The following GRIA4 variants were observed in gnomAD, a reference collection of about 807,000 sequenced individuals.
GRIA4 encodes the protein glutamate receptor 4.
In GRIA4, 34 loss-of-function variants were observed where a neutral mutation model predicts 104.0. That is an observed-to-expected ratio of 0.33 (90% CI 0.25 to 0.44). GRIA4 has a LOEUF of 0.44. Among genes scored for constraint, GRIA4 ranks in the 20% least tolerant of loss-of-function variants. The pLI, the probability that GRIA4 is intolerant of heterozygous loss-of-function variation, is 1.00. For missense variants in GRIA4, 750 were observed against 1,096.5 expected, an observed-to-expected ratio of 0.68 and a Z score of 4.46; for synonymous variants, 386 against 381.9, an observed-to-expected ratio of 1.01 and a Z score of -0.13.
rs1006732586 is a variant in GRIA4 at position 105,972,117 on chromosome 11, T to A, written c.2409+89T>A. 4.4e-5 allele frequency: 33 copies of A among 758,294 alleles called. No homozygotes were observed. The East Asian group carries it at 8.9e-4, about 20-fold the overall frequency. The allele number at this position is 758,294 out of a possible 1,614,324, so 47.0% of individuals were successfully genotyped here. On this transcript the variant is annotated intron_variant, in intron 15 of 16. Coordinates refer to ENST00000282499, the MANE Select transcript of GRIA4 (RefSeq NM_000829.4). Reference sequence around the variant, plus strand: ...AAAAGTATATGGAAACCATAAAAACTGAACATTATACACTCAACCACTGCC... The same window carrying A: ...AAAAGTATATGGAAACCATAAAAACAGAACATTATACACTCAACCACTGCC...
chr11:105,903,856 G>C lies in GRIA4; in HGVS notation c.928G>C (p.Glu310Gln). ...TTATGATGGAGTCCTTGTGATGGCT[G>C]AAACTTTCCGAAGTCTTAGGAGGCA... ...LTYDGVLVMA[E>Q]TFRSLRRQKI... is the part of the protein sequence containing the mutation. The change falls in exon 8 of 17, where the codon GAA (glutamate) becomes CAA (glutamine). Residue 310 changes from glutamate (E) to glutamine (Q), a missense_variant. Around this residue, in one of 3 missense-constraint regions of GRIA4, gnomAD observed 410 missense variants for 502.7 expected, o/e 0.82. Coordinates refer to ENST00000282499, the MANE Select transcript of GRIA4 (RefSeq NM_000829.4). The C allele has an allele frequency of 6.2e-7, 1 of 1,612,060 alleles. No homozygotes were observed. The highest frequency in any genetic ancestry group is 8.5e-7 in the Non-Finnish European group (1 of 1,178,142).
chr11:105,868,943 T>C (rs972024828), intron 5 of GRIA4, among the ~76,000 whole-genome samples: 1 of 152,162 alleles, frequency 6.6e-6, no homozygotes, highest in Non-Finnish European at 1.5e-5. Flanking sequence ...TTAATATTAC[T>C]ATTTAGCAGA....
At chr11:105,941,559 T>A (rs1323861320) in intron 14 of GRIA4, among the ~76,000 whole-genome samples, 2 of 151,678 alleles carry the variant, frequency 1.3e-5, no homozygotes, top group Non-Finnish European at 2.9e-5. Context: ...CTTTCTTTAA[T>A]TTTTTTTTAA....
At chr11:105,812,989 G>T (rs1023979904) in intron 4 of GRIA4, among the ~76,000 whole-genome samples, 6 of 150,298 alleles carry the variant, frequency 4.0e-5, no homozygotes, top group East Asian at 2.0e-4. Flanking sequence ...TAGTCCTCGG[G>T]AGGCTGAGGC....
intron 3 of GRIA4, among the ~76,000 whole-genome samples, chr11:105,623,279 T>C (rs1270257554): frequency 6.6e-6 from 1 of 151,792 alleles, no homozygotes; most frequent in Non-Finnish European, 1.5e-5. Context: ...GTTCTCAGAC[T>C]GAAAGTTGTG....
At chr11:105,820,346 T>C in intron 4 of GRIA4, among the ~76,000 whole-genome samples, 1 of 152,246 alleles carries the variant, frequency 6.6e-6, no homozygotes, top group South Asian at 2.1e-4. Context: ...ACATCTTGTC[T>C]CTTTCCATCA....
chr11:105,941,410 G>A (rs1274993444), intron 14 of GRIA4, among the ~76,000 whole-genome samples: 1 of 151,912 alleles, frequency 6.6e-6, no homozygotes, highest in Non-Finnish European at 1.5e-5. Context: ...AAAATTTAAA[G>A]ACACAACAAC....
chr11:105,913,100 T>A, intron 10 of GRIA4: 4 of 752,802 alleles, frequency 5.3e-6, no homozygotes, highest in Non-Finnish European at 6.5e-6. Context: ...TAAAATTGAT[T>A]GAGAAATTCA....
At chr11:105,893,325 C>G (rs1946521772) in intron 6 of GRIA4, among the ~76,000 whole-genome samples, 1 of 151,868 alleles carries the variant, frequency 6.6e-6, no homozygotes, top group African/African-American at 2.4e-5. Context: ...AAATGGCCAC[C>G]AAAATAAATG....
chr11:105,724,112 A>G (rs896844759), intron 3 of GRIA4, among the ~76,000 whole-genome samples: 4 of 152,070 alleles, frequency 2.6e-5, no homozygotes, highest in African/African-American at 9.7e-5. Context: ...GGAGATTCCC[A>G]AAGAACTAAA....
chr11:105,878,575 T>C (rs1446751660), intron 5 of GRIA4, among the ~76,000 whole-genome samples: 1 of 152,238 alleles, frequency 6.6e-6, no homozygotes, highest in Non-Finnish European at 1.5e-5. Flanking sequence ...TATAAGCTCA[T>C]GACTGGCACT....
intron 3 of GRIA4, among the ~76,000 whole-genome samples, chr11:105,714,777 T>C (rs1209594778): frequency 4.6e-5 from 7 of 152,104 alleles, no homozygotes; most frequent in Non-Finnish European, 1.0e-4. Context: ...TTAGCCGTTT[T>C]AGGTCTTCAG....
At chr11:105,701,170 T>A (rs1426972891) in intron 3 of GRIA4, among the ~76,000 whole-genome samples, 3 of 152,226 alleles carry the variant, frequency 2.0e-5, no homozygotes, top group Non-Finnish European at 4.4e-5. Flanking sequence ...CCATTTATTG[T>A]GCTGTTGTCA....
chr11:105,773,936 T>A (rs1941337292), intron 4 of GRIA4, among the ~76,000 whole-genome samples: 1 of 151,722 alleles, frequency 6.6e-6, no homozygotes, highest in African/African-American at 2.4e-5. Context: ...AAAATATCAT[T>A]AAAATATGGA....
chr11:105,976,883 T>G (rs1034883049), intron 16 of GRIA4, among the ~76,000 whole-genome samples: 2 of 151,988 alleles, frequency 1.3e-5, no homozygotes, highest in African/African-American at 4.8e-5. Context: ...ACAGATGATG[T>G]AAGTATAGGA....
intron 4 of GRIA4, among the ~76,000 whole-genome samples, chr11:105,849,892 T>C (rs985942337): frequency 3.3e-5 from 5 of 152,214 alleles, no homozygotes; most frequent in African/African-American, 1.2e-4. Flanking sequence ...TAAAAGGATT[T>C]GAACTAACAA....
At chr11:105,853,738 G>A (rs892878745) in intron 4 of GRIA4, among the ~76,000 whole-genome samples, 7 of 152,062 alleles carry the variant, frequency 4.6e-5, no homozygotes, top group Admixed American at 3.3e-4. Context: ...TGGGGGGAGT[G>A]TAGAATTTAG....
intron 4 of GRIA4, among the ~76,000 whole-genome samples, chr11:105,758,129 G>C (rs1229760105): frequency 6.6e-6 from 1 of 151,938 alleles, no homozygotes; most frequent in African/African-American, 2.4e-5. Context: ...CTGTAGTCCT[G>C]GCTACTCTGG....
At chr11:105,858,585 A>G (rs1945103700) in intron 4 of GRIA4, among the ~76,000 whole-genome samples, 1 of 152,128 alleles carries the variant, frequency 6.6e-6, no homozygotes, top group Admixed American at 6.6e-5. Context: ...CTGTTGTGCT[A>G]TCAAAGACTA....
Sources: gnomAD v4.1 joint callset for allele counts (sites outside exome capture counted in the v4.1 genomes callset) on GRCh38, gnomAD v4.1.1 for gene constraint, gnomAD v4.1.1 regional missense constraint, MANE v1.5 for transcripts, NCBI Gene and HGNC (gene_info 2026-07-23, HGNC 2026-07-21) for gene names.